CTNNA3: variants seen among roughly 807,000 people sequenced by gnomAD.
CTNNA3 encodes the protein catenin alpha-3.
A neutral mutation model predicts 95.7 loss-of-function variants in CTNNA3; 76 were observed. The observed-to-expected ratio is 0.79, with a 90% CI of 0.66 to 0.96. The LOEUF (loss-of-function observed/expected upper bound fraction) is 0.96. Among genes scored for constraint, CTNNA3 ranks in the 40% least tolerant of loss-of-function variants. The probability of loss-of-function intolerance (pLI) is 0.00; values close to 1 mark genes in which losing one functional copy is unlikely to be tolerated. For synonymous variants in CTNNA3, 431 were observed against 374.4 expected (o/e 1.15, Z -1.74); for missense variants, 1,191 against 1,089.8 (o/e 1.09, Z -1.31).
chr10:67,065,872 A>G (rs1243439765), intron 7 of CTNNA3, among the ~76,000 whole-genome samples: 1 of 152,150 alleles, frequency 6.6e-6, no homozygotes, highest in African/African-American at 2.4e-5. Context: ...TAGGACCTCA[A>G]CTAAAAGAGG....
At chr10:67,739,166 G>C (rs748636844) in intron 1 of CTNNA3, among the ~76,000 whole-genome samples, 35 of 152,194 alleles carry the variant, frequency 2.3e-4, no homozygotes, top group Middle Eastern at 3.4e-3. Flanking sequence ...TGAAATGAAG[G>C]AAAAAATGGT....
intron 7 of CTNNA3, among the ~76,000 whole-genome samples, chr10:66,788,025 T>A (rs537949565): frequency 1.3e-5 from 2 of 152,296 alleles, no homozygotes; most frequent in South Asian, 4.1e-4. Context: ...TCAATAAATA[T>A]ATATGCTATT....
chr10:66,803,133 G>T (rs1364316698), intron 7 of CTNNA3, among the ~76,000 whole-genome samples: 2 of 151,920 alleles, frequency 1.3e-5, no homozygotes, highest in Middle Eastern at 3.2e-3. Context: ...AAAATGCAAA[G>T]GTGTTGCATC....
At chr10:66,705,193 T>C (rs796861298) in intron 9 of CTNNA3, among the ~76,000 whole-genome samples, 9 of 152,222 alleles carry the variant, frequency 5.9e-5, no homozygotes, top group African/African-American at 2.2e-4. Flanking sequence ...TTAACTAACC[T>C]AGTATTCTTA....
chr10:66,366,521 GC>G (rs1405482396), intron 12 of CTNNA3, among the ~76,000 whole-genome samples: 1 of 152,086 alleles, frequency 6.6e-6, no homozygotes, highest in African/African-American at 2.4e-5. Flanking sequence ...AGTTATTAGT[GC>G]CTTTTTAAAA....
intron 5 of CTNNA3, among the ~76,000 whole-genome samples, chr10:67,399,600 A>G (rs899142785): frequency 2.6e-5 from 4 of 152,020 alleles, no homozygotes; most frequent in Non-Finnish European, 5.9e-5. Flanking sequence ...CAGGTAGAAC[A>G]CCCTCCATTT....
chr10:66,345,635 A>G lies in CTNNA3; in HGVS notation c.1732+33517T>C, dbSNP rs147076213. ...GGAATTCAGTATGATTTTAAAGAAT[A>G]AAGGTGTTATTTCACTTGGGTAAGT... is the stretch of plus-strand genomic sequence containing the variant. On this transcript the variant is annotated intron_variant, in intron 12 of 17. Transcript: ENST00000433211. Among the ~76,000 whole-genome samples, 366 of 152,270 alleles carry G rather than the reference A, an allele frequency of 2.4e-3. 8 individuals are homozygous for G. Among genetic ancestry groups the G allele is most frequent in the Non-Finnish European group, 6.3e-4 (43 of 68,004 alleles).
intron 15 of CTNNA3, among the ~76,000 whole-genome samples, chr10:65,990,445 A>G (rs1322679746): frequency 2.0e-5 from 3 of 146,612 alleles, no homozygotes; most frequent in East Asian, 4.0e-4. Context: ...AAAATGATAT[A>G]TTATTGTAGT....
chr10:66,220,453 G>T (rs983951703), intron 13 of CTNNA3, among the ~76,000 whole-genome samples: 3 of 152,124 alleles, frequency 2.0e-5, no homozygotes, highest in South Asian at 2.1e-4. Flanking sequence ...GTGTGGCCCC[G>T]TGGCAGAGTT....
chr10:67,427,641 A>G (rs1845970078), intron 5 of CTNNA3, among the ~76,000 whole-genome samples: 1 of 152,072 alleles, frequency 6.6e-6, no homozygotes, highest in Non-Finnish European at 1.5e-5. Flanking sequence ...AAAGTAAACT[A>G]AGATCCAAAA....
intron 10 of CTNNA3, among the ~76,000 whole-genome samples, chr10:66,587,772 G>C (rs1843410099): frequency 6.6e-6 from 1 of 152,130 alleles, no homozygotes; most frequent in Non-Finnish European, 1.5e-5. Flanking sequence ...GTTCCAGGTA[G>C]TCTGTACGTA....
At chr10:66,916,703 A>G (rs1423863269) in intron 7 of CTNNA3, among the ~76,000 whole-genome samples, 1 of 152,200 alleles carries the variant, frequency 6.6e-6, no homozygotes, top group Non-Finnish European at 1.5e-5. Flanking sequence ...GACAAAGTGG[A>G]AATGAAAGAA....
chr10:65,916,353 C>T lies in CTNNA3; in HGVS notation c.*3977G>A, dbSNP rs2077008564. ...AACAAAAGAAAGTACAGATTTCATTCAAATTCAGATTCTGGTGCCTGCTTT... is the reference window on the plus strand; with the variant it reads ...AACAAAAGAAAGTACAGATTTCATTTAAATTCAGATTCTGGTGCCTGCTTT... On this transcript the variant is annotated 3_prime_UTR_variant, in exon 18 of 18. Coordinates refer to ENST00000433211, the MANE Select transcript of CTNNA3 (RefSeq NM_013266.4). The T allele has an allele frequency of 6.6e-6, 1 of 152,124 alleles. No individual in the cohort carries two copies. The highest frequency in any genetic ancestry group is 6.5e-5 in the Admixed American group (1 of 15,270). The allele number at this position is 152,124 out of a possible 1,614,324, so 9.4% of individuals were successfully genotyped here.
intron 5 of CTNNA3, among the ~76,000 whole-genome samples, chr10:67,411,926 ATTC>A (rs916376922): frequency 6.6e-6 from 1 of 152,134 alleles, no homozygotes; most frequent in Admixed American, 6.6e-5. Context: ...TTTAATTCTT[ATTC>A]TTAACTTTGG....
chr10:66,845,703 C>CAAAAAAAAAAAAAACAAAAAAAAAAA (rs1843223437), intron 7 of CTNNA3, among the ~76,000 whole-genome samples: 1 of 23,536 alleles, frequency 4.2e-5, no homozygotes, highest in Admixed American at 4.5e-4. Context: ...AACTCTGTCT[C>CAAAAAAAAAAAAAACAAAAAAAAAAA]AAAAAAAAAA....
At chr10:66,684,212 G>C (rs1042373479) in intron 9 of CTNNA3, among the ~76,000 whole-genome samples, 1 of 152,084 alleles carries the variant, frequency 6.6e-6, no homozygotes, top group East Asian at 1.9e-4. Context: ...GGGGAAGTGT[G>C]GTGCTACTGG....
At chr10:66,344,728 A>G (rs1291766348) in intron 12 of CTNNA3, among the ~76,000 whole-genome samples, 1 of 152,122 alleles carries the variant, frequency 6.6e-6, no homozygotes, top group Non-Finnish European at 1.5e-5. Context: ...TATGATTTCT[A>G]TAGAAGGAAA....
chr10:67,597,549 C>G (rs1842965516), intron 3 of CTNNA3, among the ~76,000 whole-genome samples: 1 of 152,210 alleles, frequency 6.6e-6, no homozygotes, highest in Admixed American at 6.5e-5. Flanking sequence ...CTCATCACTT[C>G]TGTGCTGCAT....
At chr10:66,909,703 A>G (rs1484188925) in intron 7 of CTNNA3, among the ~76,000 whole-genome samples, 1 of 152,164 alleles carries the variant, frequency 6.6e-6, no homozygotes, top group Non-Finnish European at 1.5e-5. Flanking sequence ...ACTCTGGTTA[A>G]TTGGCCCAAA....
Sources: allele counts gnomAD v4.1 joint callset (sites outside exome capture counted in the v4.1 genomes callset), GRCh38; gene constraint gnomAD v4.1.1; transcripts MANE v1.5; gene names NCBI Gene and HGNC (gene_info 2026-07-23, HGNC 2026-07-21).